The following TENM4 variants were observed in gnomAD, a reference collection of about 807,000 sequenced individuals.
TENM4 encodes the protein teneurin-4.
A neutral mutation model predicts 243.3 loss-of-function variants in TENM4; 82 were observed. That is an observed-to-expected ratio of 0.34 (90% CI 0.28 to 0.40). TENM4 has a LOEUF of 0.40. TENM4 is among the 10% of genes least tolerant of loss of function. The pLI, the probability that TENM4 is intolerant of heterozygous loss-of-function variation, is 1.00. For synonymous variants in TENM4, 1,412 were observed against 1,456.3 expected, an observed-to-expected ratio of 0.97 and a Z score of 0.69; for missense variants, 3,138 against 3,673.3, an observed-to-expected ratio of 0.85 and a Z score of 3.77.
intron 3 of TENM4, among the ~76,000 whole-genome samples, chr11:79,204,059 C>A (rs1333120366): frequency 6.6e-6 from 1 of 152,138 alleles, no homozygotes; most frequent in Non-Finnish European, 1.5e-5. Context: ...TTTGTGGTTG[C>A]CTAGACCTGG....
At chr11:79,017,188 C>T (rs896713770) in intron 6 of TENM4, among the ~76,000 whole-genome samples, 3 of 152,172 alleles carry the variant, frequency 2.0e-5, no homozygotes, top group African/African-American at 4.8e-5. Flanking sequence ...AGCTCTGGGC[C>T]TCACACATTC....
chr11:78,777,739 T>C (rs1454196593), intron 17 of TENM4, among the ~76,000 whole-genome samples: 2 of 152,148 alleles, frequency 1.3e-5, no homozygotes, highest in African/African-American at 2.4e-5. Flanking sequence ...AGAATATGTG[T>C]CCCTATCTGC....
chr11:79,271,752 G>T (rs912364673), intron 2 of TENM4, among the ~76,000 whole-genome samples: 2 of 152,232 alleles, frequency 1.3e-5, no homozygotes, highest in African/African-American at 4.8e-5. Flanking sequence ...GGGTCCTGGG[G>T]TGGCAGTAGA....
intron 19 of TENM4, among the ~76,000 whole-genome samples, chr11:78,756,091 T>C (rs1476417106): frequency 6.6e-6 from 1 of 152,112 alleles, no homozygotes; most frequent in Non-Finnish European, 1.5e-5. Flanking sequence ...CTCTCTCCCT[T>C]CCTTGCCTAG....
At chr11:79,308,389 G>A (rs943027039) in intron 1 of TENM4, among the ~76,000 whole-genome samples, 2 of 151,902 alleles carry the variant, frequency 1.3e-5, no homozygotes, top group African/African-American at 2.4e-5. Context: ...AAGATCTAAC[G>A]GCAGGTCTAT....
At chr11:78,824,421 GGGGA>G (rs1857804760) in intron 12 of TENM4, among the ~76,000 whole-genome samples, 1 of 152,048 alleles carries the variant, frequency 6.6e-6, no homozygotes, top group East Asian at 1.9e-4. Context: ...CAGTACCGAG[GGGGA>G]TAGTACACAC....
At chr11:78,802,979 T>C (rs2136079569) in intron 15 of TENM4, among the ~76,000 whole-genome samples, 1 of 152,278 alleles carries the variant, frequency 6.6e-6, no homozygotes, top group Middle Eastern at 3.4e-3. Context: ...ATCATCATCA[T>C]AACAACAGCT....
intron 6 of TENM4, among the ~76,000 whole-genome samples, chr11:78,928,389 C>A (rs2136412275): frequency 6.6e-6 from 1 of 152,330 alleles, no homozygotes; most frequent in East Asian, 1.9e-4. Context: ...AGGAAAAACA[C>A]CATTCTGCCA....
intron 28 of TENM4, among the ~76,000 whole-genome samples, chr11:78,694,522 C>G (rs996242238): frequency 6.6e-6 from 1 of 152,240 alleles, no homozygotes; most frequent in African/African-American, 2.4e-5. Flanking sequence ...CTGGCCCACT[C>G]TGCCATACTG....
At chr11:78,886,370 T>A (rs1855549794) in intron 9 of TENM4, among the ~76,000 whole-genome samples, 1 of 152,208 alleles carries the variant, frequency 6.6e-6, no homozygotes, top group African/African-American at 2.4e-5. Flanking sequence ...TCCAAGTTAG[T>A]CGTCACAGCC....
chr11:78,733,421 G>A (rs1590977331), intron 20 of TENM4, among the ~76,000 whole-genome samples: 1 of 152,282 alleles, frequency 6.6e-6, no homozygotes, highest in East Asian at 1.9e-4. Flanking sequence ...GGCCTTCCCT[G>A]ATCCTAGATG....
At chr11:79,244,811 A>G (rs1855484627) in intron 2 of TENM4, among the ~76,000 whole-genome samples, 1 of 152,160 alleles carries the variant, frequency 6.6e-6, no homozygotes, top group Non-Finnish European at 1.5e-5. Context: ...GAAAAGACTC[A>G]GGGCAAGGGG....
At chr11:78,738,069 A>G (rs1855839588) in intron 20 of TENM4, among the ~76,000 whole-genome samples, 1 of 152,228 alleles carries the variant, frequency 6.6e-6, no homozygotes. Context: ...CATCACCCAA[A>G]TGGCTTACAT....
intron 6 of TENM4, among the ~76,000 whole-genome samples, chr11:79,035,219 C>T (rs1439558035): frequency 6.6e-6 from 1 of 152,236 alleles, no homozygotes; most frequent in African/African-American, 2.4e-5. Flanking sequence ...CTCTGCTGCT[C>T]GGCTGTGCAA....
At chr11:79,109,697 T>C (rs772461061) in intron 4 of TENM4, among the ~76,000 whole-genome samples, 2 of 152,206 alleles carry the variant, frequency 1.3e-5, no homozygotes, top group Non-Finnish European at 2.9e-5. Flanking sequence ...GTTTGGAAAG[T>C]TCTGAACCCG....
chr11:79,013,962 C>G (rs1858711771), intron 6 of TENM4, among the ~76,000 whole-genome samples: 1 of 152,244 alleles, frequency 6.6e-6, no homozygotes, highest in Non-Finnish European at 1.5e-5. Context: ...CGATTTGCCC[C>G]TCTTCTTACT....
chr11:79,171,485 G>C (rs1278020054), intron 3 of TENM4, among the ~76,000 whole-genome samples: 3 of 152,192 alleles, frequency 2.0e-5, no homozygotes, highest in Non-Finnish European at 4.4e-5. Flanking sequence ...CTAAACAAAA[G>C]CTTTGATCTA....
chr11:78,899,058 TCTC>T (rs1855862316), intron 7 of TENM4, among the ~76,000 whole-genome samples: 1 of 152,132 alleles, frequency 6.6e-6, no homozygotes, highest in Non-Finnish European at 1.5e-5. Flanking sequence ...GGGGTCTGTT[TCTC>T]CTCCTCTTGA....
chr11:78,926,971 G>A (rs1028286036), intron 6 of TENM4, among the ~76,000 whole-genome samples: 1 of 152,138 alleles, frequency 6.6e-6, no homozygotes, highest in Admixed American at 6.5e-5. Context: ...TTTGTTGCTT[G>A]TTATAAAGCA....
Sources: gnomAD v4.1 joint callset for allele counts (sites outside exome capture counted in the v4.1 genomes callset) on GRCh38, gnomAD v4.1.1 for gene constraint, MANE v1.5 for transcripts, NCBI Gene and HGNC (gene_info 2026-07-23, HGNC 2026-07-21) for gene names.